Variants in NTAQ1 observed in about 807,000 individuals in gnomAD.
The protein encoded by NTAQ1 is protein N-terminal glutamine amidohydrolase.
NTAQ1 carries 21 observed loss-of-function variants against 28.2 expected under a neutral mutation model. The ratio of observed to expected loss-of-function variants is 0.74; its 90% confidence interval spans 0.53 to 1.07. The LOEUF (loss-of-function observed/expected upper bound fraction) is 1.07. NTAQ1 is among the 50% of genes least tolerant of loss of function. The probability of loss-of-function intolerance (pLI) is 0.00; values close to 1 mark genes in which losing one functional copy is unlikely to be tolerated. For synonymous variants in NTAQ1, 105 were observed against 90.0 expected, an observed-to-expected ratio of 1.17 and a Z score of -0.94; for missense variants, 264 against 256.6, an observed-to-expected ratio of 1.03 and a Z score of -0.20.
intron 1 of NTAQ1, among the ~76,000 whole-genome samples, 176 bp from the exon 2 acceptor site, chr8:123,427,748 G>A (rs1586935517): frequency 6.6e-6 from 1 of 152,310 alleles, no homozygotes; most frequent in East Asian, 1.9e-4. Flanking sequence ...CACAGTATAG[G>A]TTGAATACCA....
chr8:123,436,491 A>G lies in NTAQ1; in HGVS notation c.273A>G (p.Gly91=), dbSNP rs1289985331. 1 of 1,613,850 alleles carries G rather than the reference A, an allele frequency of 6.2e-7. No homozygotes were observed. ...TTTTGCTTCATGTTTCAAGTGGAGGACAGAACTTCATTTATGATCTCGATA... is the reference window on the plus strand; with the variant it reads ...TTTTGCTTCATGTTTCAAGTGGAGGGCAGAACTTCATTTATGATCTCGATA... ...HVVLLHVSSG[G]QNFIYDLDTV... is the part of the protein sequence containing the mutation. The change falls in exon 4 of 6, where the codon GGA becomes GGG. Residue 91 remains glycine (G), a synonymous_variant. Coordinates refer to ENST00000287387, the MANE Select transcript of NTAQ1 (RefSeq NM_018024.3).
intron 3 of NTAQ1, among the ~76,000 whole-genome samples, chr8:123,432,605 A>C (rs1460128093): frequency 6.6e-6 from 1 of 151,754 alleles, no homozygotes; most frequent in Non-Finnish European, 1.5e-5. Flanking sequence ...ACTGTACTCC[A>C]TCCTGGGCGA....
chr8:123,443,259 A>G (rs548659585), downstream of NTAQ1, among the ~76,000 whole-genome samples: 14 of 151,664 alleles, frequency 9.2e-5, no homozygotes, highest in African/African-American at 3.1e-4. Context: ...ACCTCAGGTG[A>G]TCTGCCTGGC....
intron 3 of NTAQ1, 27 bp from the exon 4 acceptor site, chr8:123,436,426 G>C: frequency 6.2e-7 from 1 of 1,609,092 alleles, no homozygotes; most frequent in Non-Finnish European, 8.5e-7. Flanking sequence ...AAGTAACTTG[G>C]TTAACTTCAG....
At chr8:123,445,170 C>T (rs1815223745), downstream of NTAQ1, among the ~76,000 whole-genome samples, 1 of 151,910 alleles carries the variant, frequency 6.6e-6, no homozygotes, top group South Asian at 2.1e-4. Context: ...CTGATGTTCC[C>T]ACCCAGAAAT....
Position 123,436,543 on chromosome 8 carries a change from G to A in NTAQ1, c.325G>A (p.Asp109Asn), listed in dbSNP as rs1170777058. The A allele has an allele frequency of 6.2e-7, 1 of 1,613,952 alleles. No individual in the cohort carries two copies. Among genetic ancestry groups the A allele is most frequent in the East Asian group, 2.2e-5 (1 of 44,854 alleles). ...DTVLPFPCLF[D>N]TYVEDAFKSD... The stretch of plus-strand genomic sequence containing the variant: ...TGTCTTGCCATTTCCCTGCCTCTTT[G>A]ACACTTATGTAGAAGATGCCTTTAA... Residue 109 changes from aspartate (D) to asparagine (N), a missense_variant, in exon 4 of 6, where the codon GAC becomes AAC. Transcript: ENST00000287387.
chr8:123,440,486 G>A (rs138082144), intron 5 of NTAQ1, among the ~76,000 whole-genome samples: 3 of 146,210 alleles, frequency 2.1e-5, no homozygotes, highest in Middle Eastern at 3.4e-3. Context: ...AAGGTTGAGA[G>A]TAGCGTTCCT....
downstream of NTAQ1, among the ~76,000 whole-genome samples, chr8:123,472,008 A>T (rs1314916701): frequency 2.0e-5 from 3 of 152,202 alleles, 1 homozygote; most frequent in Middle Eastern, 6.3e-3. Flanking sequence ...GAAGAGATAG[A>T]AAGTTTAATT....
chr8:123,437,504 C>G (rs1323657729), intron 5 of NTAQ1, among the ~76,000 whole-genome samples, 170 bp downstream of exon 5: 1 of 152,110 alleles, frequency 6.6e-6, no homozygotes, highest in Non-Finnish European at 1.5e-5. Context: ...GAGATAGACA[C>G]CATCCTGGCT....
intron 5 of NTAQ1, among the ~76,000 whole-genome samples, chr8:123,440,532 C>G (rs149525805): frequency 2.0e-3 from 299 of 147,150 alleles, no homozygotes; most frequent in Non-Finnish European, 3.5e-3. Context: ...CAAAGCCTTG[C>G]TCTGTTGCCC....
At chr8:123,446,609 A>G (rs1815296072), downstream of NTAQ1, among the ~76,000 whole-genome samples, 1 of 151,820 alleles carries the variant, frequency 6.6e-6, no homozygotes, top group African/African-American at 2.4e-5. Context: ...AACCACTCCA[A>G]CTGTGTCTGT....
At position 123,429,578 on chromosome 8, in the gene NTAQ1, G is replaced by C. The variant is rs187209201; in HGVS notation, c.184-405G>C. The stretch of plus-strand genomic sequence containing the variant: ...AGCCAGGGCAGCATCACAAGATCCT[G>C]TCTTGGCCAGGTGCGGTGGCTCACG... On this transcript the variant is annotated intron_variant, in intron 2 of 5. Transcript: ENST00000287387. Among the ~76,000 whole-genome samples the C allele has an allele frequency of 5.8e-4, 88 of 152,130 alleles. 2 individuals carry two copies. In the East Asian group the frequency reaches 0.01, roughly 18 times the overall value.
chr8:123,431,296 C>CA (rs1189963952), intron 3 of NTAQ1, among the ~76,000 whole-genome samples: 1 of 145,270 alleles, frequency 6.9e-6, no homozygotes, highest in Non-Finnish European at 1.5e-5. Context: ...GAGGTGACGC[C>CA]ATTGCATTCC....
At chr8:123,474,828 A>G (rs908477067), downstream of NTAQ1, among the ~76,000 whole-genome samples, 2 of 152,198 alleles carry the variant, frequency 1.3e-5, no homozygotes, top group African/African-American at 4.8e-5. Context: ...AGGAGGTTGC[A>G]GTGAGCCGAG....
chr8:123,446,670 C>T (rs1351611662), downstream of NTAQ1, among the ~76,000 whole-genome samples: 1 of 152,174 alleles, frequency 6.6e-6, no homozygotes, highest in Non-Finnish European at 1.5e-5. Context: ...CTCCACTCAT[C>T]GGAGCCGTAT....
At chr8:123,436,361 T>C (rs1814710002) in intron 3 of NTAQ1, 92 bp from the exon 4 acceptor site, 1 of 1,291,046 alleles carries the variant, frequency 7.7e-7, no homozygotes, top group African/African-American at 1.5e-5. Flanking sequence ...GTAGCAGTCC[T>C]ATATCCTTTT....
At chr8:123,452,710 C>T (rs752816822), downstream of NTAQ1, among the ~76,000 whole-genome samples, 15 of 151,158 alleles carry the variant, frequency 9.9e-5, no homozygotes, top group Non-Finnish European at 1.6e-4. Context: ...GAGACCAGCC[C>T]GACCAACATG....
rs535953003 is a variant in NTAQ1, at chr8:123,422,409, G to T, written c.83+5477G>T. 1.3e-4 allele frequency among the ~76,000 whole-genome samples: 20 copies of T among 151,804 alleles called. No individual in the cohort carries two copies. In the South Asian group the frequency reaches 2.7e-3, roughly 21 times the overall value. Reference sequence around the variant, plus strand: ...TCTCACGTCAGCCTCCCAAGCAACTGAAATTAGAGATGTGTGCCAGCATGC... The same window carrying T: ...TCTCACGTCAGCCTCCCAAGCAACTTAAATTAGAGATGTGTGCCAGCATGC... On this transcript the variant is annotated intron_variant, in intron 1 of 5. Coordinates refer to ENST00000287387, the MANE Select transcript of NTAQ1 (RefSeq NM_018024.3).
chr8:123,429,906 CAA>C (rs372581225), intron 2 of NTAQ1, 75 bp from the exon 3 acceptor site: 3,310 of 589,164 alleles, frequency 5.6e-3, no homozygotes, highest in South Asian at 0.011. Flanking sequence ...AATCCCGTCT[CAA>C]AAAAAAAAAA....
Sources: allele counts gnomAD v4.1 joint callset (sites outside exome capture counted in the v4.1 genomes callset), GRCh38; gene constraint gnomAD v4.1.1; transcripts MANE v1.5; gene names NCBI Gene and HGNC (gene_info 2026-07-23, HGNC 2026-07-21).